The following TK1 variants were observed in gnomAD, a reference collection of about 807,000 sequenced individuals.
The protein encoded by TK1 is thymidine kinase, cytosolic.
Under a neutral mutation model 22.4 loss-of-function variants are expected in TK1, and 13 were observed. The observed-to-expected ratio is 0.58, with a 90% CI of 0.38 to 0.92. The LOEUF is 0.92. Among genes scored for constraint, TK1 ranks in the 40% least tolerant of loss-of-function variants. TK1 has a pLI of 0.00. For missense variants in TK1, 251 were observed against 315.7 expected, an observed-to-expected ratio of 0.80 and a Z score of 1.55; for synonymous variants, 134 against 125.4, an observed-to-expected ratio of 1.07 and a Z score of -0.46.
rs9894890 is a variant in TK1, at chr17:78,176,706, A to G, written c.304-1088T>C. Among the ~76,000 whole-genome samples, 1,165 of 152,200 alleles carry G rather than the reference A, an allele frequency of 7.7e-3. 17 individuals are homozygous for G. Among genetic ancestry groups the G allele is most frequent in the African/African-American group, 0.026 (1,096 of 41,520 alleles). On this transcript the variant is annotated intron_variant, in intron 4 of 6. Coordinates refer to ENST00000301634, the MANE Select transcript of TK1 (RefSeq NM_003258.5). ...CCTGCAAGGAGCTGTGGGCCGGCAC[A>G]CCACCTGCGCCAGGGGCGCGCCCCC...
At chr17:78,185,286 C>G (rs2145830178) in intron 2 of TK1, 121 bp from the exon 3 acceptor site, 1 of 701,452 alleles carries the variant, frequency 1.4e-6, no homozygotes, top group East Asian at 2.7e-5. Flanking sequence ...CCCACCACAG[C>G]CAGAAAAGAG....
chr17:78,175,457 G>A (rs1263729135), intron 5 of TK1, 72 bp downstream of exon 5: 2 of 1,435,796 alleles, frequency 1.4e-6, no homozygotes, highest in South Asian at 1.2e-5. Context: ...CCCAGAGCTG[G>A]TGTCTCTGTG....
chr17:78,180,742 G>A (rs1001223602), intron 4 of TK1, among the ~76,000 whole-genome samples: 7 of 152,218 alleles, frequency 4.6e-5, no homozygotes, highest in Non-Finnish European at 5.9e-5. Context: ...AGAGATGGAT[G>A]AGGAGAGAAA....
rs1170634406 is a variant in TK1 at position 78,185,140 on chromosome 17, G to T, written c.124C>A (p.Arg42Ser). 2 of 1,612,018 alleles carry T rather than the reference G, an allele frequency of 1.2e-6. No homozygotes were observed. The part of the protein sequence containing the change: ...KSTELMRRVR[R>S]FQIAQYKCLV... ...CACTTGTACTGAGCAATCTGGAAGC[G>T]ACGGACGCGTCTCATCAACTCTGTG... The change falls in exon 3 of 7, where the codon CGC (arginine) becomes AGC (serine). Residue 42 changes from arginine to serine, a missense_variant. Physicochemically the swap from Arg to Ser is moderately radical, Grantham distance 110. Transcript: ENST00000301634.
At chr17:78,175,228 T>C (rs2075689924) in intron 5 of TK1, 59 bp from the exon 6 acceptor site, 3 of 1,560,592 alleles carry the variant, frequency 1.9e-6, no homozygotes, top group Non-Finnish European at 1.7e-6. Flanking sequence ...GGTTTTTCTT[T>C]TAAACCCTCT....
In TK1 at chr17:78,187,030, C is replaced by A. The variant is rs762004420; in HGVS notation, c.-36G>T. The A allele has an allele frequency of 6.3e-7, 1 of 1,584,378 alleles. No homozygotes were observed. Among genetic ancestry groups the A allele is most frequent in the South Asian group, 1.1e-5 (1 of 87,342 alleles). On this transcript the variant is annotated 5_prime_UTR_variant, in exon 1 of 7. Transcript: ENST00000301634. ...GGAAGTTCACGAACCCGAGTACTCT[C>A]CAAGGCCGTCCCGCAGTAAGCCCCT...
At position 78,175,065 on chromosome 17, in the gene TK1, G is replaced by C. The variant is rs781163864; in HGVS notation, c.498C>G (p.Leu166=). ...GTGGAGCTACCTCCTTCTCTGTGCC[G>C]AGCCTCTTGGTATAGGCGGCTTCCC... ...CFREAAYTKR[L]GTEKEVEVIG... Residue 166 remains leucine (L), a synonymous_variant, in exon 6 of 7, where the codon CTC becomes CTG. Coordinates refer to ENST00000301634, the MANE Select transcript of TK1 (RefSeq NM_003258.5). The C allele has an allele frequency of 2.5e-6, 4 of 1,613,478 alleles. No individual in the cohort carries two copies. In the African/African-American group the frequency reaches 5.3e-5, roughly 22 times the overall value.
rs1598963295 is a variant in TK1, at chr17:78,174,678, C to T, written c.*81G>A. 1 of 1,460,820 alleles carries T rather than the reference C, an allele frequency of 6.8e-7. No homozygotes were observed. The highest frequency in any genetic ancestry group is 9.1e-7 in the Non-Finnish European group (1 of 1,097,480). 90.5% of individuals were successfully genotyped at this position (1,460,820 alleles called of 1,614,324 possible). A position where few individuals can be genotyped will look rare whatever the true frequency, so the allele number is the denominator to read the frequency against. On this transcript the variant is annotated 3_prime_UTR_variant, in exon 7 of 7. Coordinates refer to ENST00000301634, the MANE Select transcript of TK1 (RefSeq NM_003258.5). ...ACCCTCCACGCCTCCCGACTTCCTC[C>T]TGGAGTGGCTGGGCAGCATGCAGGG... is the stretch of plus-strand genomic sequence containing the variant.
Position 78,186,776 on chromosome 17 carries a change from G to C in TK1, c.98+11C>G. On this transcript the variant is annotated intron_variant, in intron 2 of 6. Transcript: ENST00000301634. ...GGAAGGAGCTCCACCCCAGCCCCGC[G>C]AAGCCATTACCTTTTTCCTGAGAAC... 6.3e-7 allele frequency: 1 copy of C among 1,582,530 alleles called. No homozygotes were observed. Among genetic ancestry groups the C allele is most frequent in the Non-Finnish European group, 8.6e-7 (1 of 1,165,008 alleles).
chr17:78,186,897 TC>T (rs1412737321), intron 1 of TK1, 31 bp downstream of exon 1: 65 of 1,564,928 alleles, frequency 4.2e-5, no homozygotes, highest in Non-Finnish European at 5.5e-5. Flanking sequence ...GACCACCTCA[TC>T]CCCAGCCACG....
At chr17:78,178,399 G>A (rs1453504529) in intron 4 of TK1, among the ~76,000 whole-genome samples, 6 of 152,112 alleles carry the variant, frequency 3.9e-5, no homozygotes, top group African/African-American at 7.2e-5. Context: ...TGTCTCGCCC[G>A]GGGTACAAAG....
chr17:78,186,661 G>A (rs1394908188), intron 2 of TK1, 126 bp downstream of exon 2: 4 of 962,620 alleles, frequency 4.2e-6, no homozygotes, highest in Non-Finnish European at 6.1e-6. Flanking sequence ...GGTCCTTCTA[G>A]GGGAAGGGAA....
intron 4 of TK1, chr17:78,179,575 T>C: frequency 1.0e-6 from 1 of 985,414 alleles, no homozygotes; most frequent in Non-Finnish European, 1.2e-6. Context: ...GAATGGAATT[T>C]GCAGCTGTGA....
chr17:78,174,914 C>T lies in TK1; in HGVS notation c.550G>A (p.Val184Met), dbSNP rs776267087. The stretch of plus-strand genomic sequence containing the variant: ...TTCTTGAAGTAGCAGAGCCGACACA[C>T]GGAGTGGTACTTGTCTGCTCCCCCA... ...VIGGADKYHSVCRLCYFKKAS... is the reference protein window; with the variant it reads ...VIGGADKYHSMCRLCYFKKAS... Residue 184 changes from valine to methionine, a missense_variant, in exon 7 of 7, where the codon GTG becomes ATG. Coordinates refer to ENST00000301634, the MANE Select transcript of TK1 (RefSeq NM_003258.5). 41 of 1,613,742 alleles carry T rather than the reference C, an allele frequency of 2.5e-5. No homozygotes were observed. In the South Asian group the frequency reaches 3.6e-4, roughly 14 times the overall value.
chr17:78,175,239 G>T, intron 5 of TK1, 70 bp from the exon 6 acceptor site: 1 of 1,439,706 alleles, frequency 6.9e-7, no homozygotes, highest in Non-Finnish European at 9.1e-7. Flanking sequence ...TAAACCCTCT[G>T]ATTCACAAGC....
At chr17:78,175,885 C>T (rs2075696070) in intron 4 of TK1, among the ~76,000 whole-genome samples, 1 of 152,218 alleles carries the variant, frequency 6.6e-6, no homozygotes, top group Admixed American at 6.5e-5. Flanking sequence ...CAGCACCGGA[C>T]TTCCACACCA....
intron 2 of TK1, among the ~76,000 whole-genome samples, chr17:78,185,737 C>T (rs1019944348): frequency 1.4e-4 from 22 of 151,998 alleles, no homozygotes; most frequent in African/African-American, 5.1e-4. Flanking sequence ...ACCACGTTGA[C>T]CAGGGTGGTC....
intron 3 of TK1, among the ~76,000 whole-genome samples, chr17:78,182,959 A>G (rs1303883374): frequency 6.6e-6 from 1 of 151,922 alleles, no homozygotes; most frequent in Non-Finnish European, 1.5e-5. Flanking sequence ...CCCAATTCTC[A>G]AGGGTCTCAA....
chr17:78,176,171 C>T (rs1598964706), intron 4 of TK1, among the ~76,000 whole-genome samples: 1 of 152,254 alleles, frequency 6.6e-6, no homozygotes, highest in Middle Eastern at 3.4e-3. Context: ...TCCTACTGGC[C>T]ATTTACAGAG....
Sources: gnomAD v4.1 joint callset for allele counts (sites outside exome capture counted in the v4.1 genomes callset) on GRCh38, gnomAD v4.1.1 for gene constraint, MANE v1.5 for transcripts, NCBI Gene and HGNC (gene_info 2026-07-23, HGNC 2026-07-21) for gene names.